Variants in SKA1 observed in about 807,000 individuals in gnomAD.
SKA1 encodes spindle and kinetochore associated complex subunit 1.
Under a neutral mutation model 31.8 loss-of-function variants are expected in SKA1, and 20 were observed. That is an observed-to-expected ratio of 0.63 (90% confidence interval 0.44 to 0.91). SKA1 has a LOEUF of 0.91. Among genes scored for constraint, SKA1 ranks in the 40% least tolerant of loss-of-function variants. The pLI is 0.00. For missense variants in SKA1, 253 were observed against 298.2 expected (o/e 0.85, Z 1.12); for synonymous variants, 88 against 100.5 (o/e 0.88, Z 0.74).
rs1352206106 is a variant in SKA1 at position 50,382,680 on chromosome 18, G to A, written c.311+454G>A. ...TGCCTCTGAGGGCAAAATCTTCCCC[G>A]ACCATTGAGAACCACTGCCTTTGGG... is the stretch of plus-strand genomic sequence containing the variant. On this transcript the variant is annotated intron_variant, in intron 4 of 6. Transcript: ENST00000285116. Among the ~76,000 whole-genome samples, 4 of 151,846 alleles carry A rather than the reference G, an allele frequency of 2.6e-5. No individual in the cohort carries two copies. In the East Asian group the frequency reaches 7.7e-4, roughly 29 times the overall value.
In SKA1 at chr18:50,380,191, C is replaced by T. The variant is rs372252141; in HGVS notation, c.154C>T (p.Leu52Phe). 1.3e-6 allele frequency: 2 copies of T among 1,554,348 alleles called. No individual in the cohort carries two copies. The highest frequency in any genetic ancestry group is 4.4e-5 in the Admixed American group (2 of 45,124). Residue 52 changes from leucine to phenylalanine, a missense_variant, in exon 3 of 7, where the codon CTT becomes TTT. Leu to Phe is a conservative substitution (Grantham distance 22). Coordinates refer to ENST00000285116, the MANE Select transcript of SKA1 (RefSeq NM_145060.4). ...IGDEIIVINE[L>F]LNKLELEIQY... ...AGATGAGATCATTGTAATAAATGAA[C>T]TTCTAAATAAATTGGAATTGGAAAT...
intron 5 of SKA1, among the ~76,000 whole-genome samples, chr18:50,387,514 T>C (rs75683533): frequency 0.04 from 6,146 of 152,292 alleles, 432 homozygotes; most frequent in African/African-American, 0.14. Context: ...TTATACTTTT[T>C]TTGATTGCCT....
intron 2 of SKA1, among the ~76,000 whole-genome samples, chr18:50,378,029 T>A (rs1025265517): frequency 3.9e-5 from 6 of 152,330 alleles, no homozygotes; most frequent in African/African-American, 1.4e-4. Flanking sequence ...TGGGCGACAG[T>A]TTCTGTTTCT....
chr18:50,391,830 G>T (rs2041359724), intron 6 of SKA1, among the ~76,000 whole-genome samples: 1 of 152,118 alleles, frequency 6.6e-6, no homozygotes, highest in African/African-American at 2.4e-5. Context: ...ACTGTTACGG[G>T]TTTTATTCTT....
intron 3 of SKA1, among the ~76,000 whole-genome samples, chr18:50,381,873 G>C (rs924967267): frequency 2.2e-4 from 34 of 151,908 alleles, no homozygotes; most frequent in African/African-American, 7.5e-4. Context: ...CTATAGGCGC[G>C]TGCCACCACG....
rs530240139 is a variant in SKA1, at chr18:50,390,237, T to C, written c.450-887T>C. ...GAGTGTTTTTTTGGAAATATGAACA[T>C]TTTCTTTTAAATAAACTTCCATATC... On this transcript the variant is annotated intron_variant, in intron 5 of 6. Transcript: ENST00000285116. 5.3e-5 allele frequency among the ~76,000 whole-genome samples: 8 copies of C among 152,280 alleles called. No homozygotes were observed. In the South Asian group the frequency reaches 1.5e-3, roughly 28 times the overall value.
rs985413247 is a variant in SKA1, at chr18:50,375,170, C to T, written c.-36C>T. ...CAGCTGGAGACCCAGCGGCGAGTAG[C>T]CTTTTGCTCCCGGACGGACTTGAGG... On this transcript the variant is annotated 5_prime_UTR_variant, in exon 1 of 7. Coordinates refer to ENST00000285116, the MANE Select transcript of SKA1 (RefSeq NM_145060.4). 2.6e-5 allele frequency: 4 copies of T among 152,478 alleles called. No homozygotes were observed. The highest frequency in any genetic ancestry group is 9.6e-5 in the African/African-American group (4 of 41,486). 9.4% of individuals were successfully genotyped at this position (152,478 alleles called of 1,614,324 possible). A position where few individuals can be genotyped will look rare whatever the true frequency, so the allele number is the denominator to read the frequency against.
Position 50,384,873 on chromosome 18 carries a change from A to T in SKA1, c.312-343A>T, listed in dbSNP as rs1484705779. On this transcript the variant is annotated intron_variant, in intron 4 of 6. Coordinates refer to ENST00000285116, the MANE Select transcript of SKA1 (RefSeq NM_145060.4). ...GAGTATAATAAAAAAAAAAAAATTA[A>T]AAAAAAAAAAAAAAAAAGGAAAAAA... is the stretch of plus-strand genomic sequence containing the variant. Among the ~76,000 whole-genome samples the T allele has an allele frequency of 8.2e-4, 24 of 29,148 alleles. 1 individual carries two copies. Among genetic ancestry groups the T allele is most frequent in the Middle Eastern group, 0.012 (1 of 84 alleles). The allele number at this position is 29,148 out of a possible 152,430, so 19.1% of individuals were successfully genotyped here. A position where few individuals can be genotyped will look rare whatever the true frequency, so the allele number is the denominator to read the frequency against.
chr18:50,380,856 C>T (rs1009708339), intron 3 of SKA1, among the ~76,000 whole-genome samples: 26 of 152,268 alleles, frequency 1.7e-4, no homozygotes, highest in African/African-American at 5.8e-4. Flanking sequence ...ATAATCTGTA[C>T]CATAATTACC....
chr18:50,380,401 T>C, intron 3 of SKA1, 151 bp downstream of exon 3: 1 of 903,234 alleles, frequency 1.1e-6, no homozygotes, highest in Non-Finnish European at 1.5e-6. Flanking sequence ...ATTTTCCTAG[T>C]ATAGTGGAAT....
At chr18:50,380,464 A>G (rs1332688864) in intron 3 of SKA1, among the ~76,000 whole-genome samples, 6 of 152,178 alleles carry the variant, frequency 3.9e-5, no homozygotes, top group Non-Finnish European at 8.8e-5. Context: ...ATTGAACTTT[A>G]CTAAAAAGGA....
intron 4 of SKA1, among the ~76,000 whole-genome samples, chr18:50,384,872 A>AAAAAAAAAAAAAAAAAAAAAG (rs2041293255): frequency 1.5e-5 from 1 of 68,790 alleles, no homozygotes; most frequent in Admixed American, 1.9e-4. Context: ...AAAAAAAATT[A>AAAAAAAAAAAAAAAAAAAAAG]AAAAAAAAAA....
At chr18:50,390,588 C>T (rs2041348522) in intron 5 of SKA1, among the ~76,000 whole-genome samples, 1 of 152,228 alleles carries the variant, frequency 6.6e-6, no homozygotes, top group Non-Finnish European at 1.5e-5. Flanking sequence ...CTTCCAGTCA[C>T]TCACTCCTAT....
At chr18:50,379,619 A>C (rs552342954) in intron 2 of SKA1, among the ~76,000 whole-genome samples, 20 of 152,330 alleles carry the variant, frequency 1.3e-4, no homozygotes, top group South Asian at 4.1e-4. Context: ...TTAAAGCCCC[A>C]AAACCTTGGA....
Position 50,389,375 on chromosome 18 carries a change from C to CTTTTTTTTTTTT in SKA1, c.450-1735_450-1724dup, listed in dbSNP as rs756288352. Among the ~76,000 whole-genome samples, 17 of 86,132 alleles carry CTTTTTTTTTTTT rather than the reference C, an allele frequency of 2.0e-4. 1 individual carries two copies. The highest frequency in any genetic ancestry group is 7.0e-4 in the African/African-American group (14 of 20,042). The allele number at this position is 86,132 out of a possible 152,430, so 56.5% of individuals were successfully genotyped here. ...TCATTTTGTCATTTCCTTTACCTTTCTTTTTTTTTTTTTTTTTTTTTTTTT... is the reference window on the plus strand; with the variant it reads ...TCATTTTGTCATTTCCTTTACCTTTCTTTTTTTTTTTTTTTTTTTTTTTTTTTTTTTTTTTTT... On this transcript the variant is annotated intron_variant, in intron 5 of 6. Transcript: ENST00000285116.
intron 2 of SKA1, 44 bp downstream of exon 2, chr18:50,375,962 T>C (rs1275386022): frequency 8.0e-7 from 1 of 1,257,298 alleles, no homozygotes; most frequent in Admixed American, 1.9e-5. Flanking sequence ...ACAAAATGCA[T>C]TTTGATTATT....
intron 4 of SKA1, among the ~76,000 whole-genome samples, chr18:50,384,871 T>TAAAAAAA (rs10608403): frequency 3.6e-5 from 3 of 82,600 alleles, no homozygotes; most frequent in African/African-American, 1.1e-4. Flanking sequence ...AAAAAAAAAT[T>TAAAAAAA]AAAAAAAAAA....
At position 50,380,216 on chromosome 18, in the gene SKA1, T is replaced by C; in HGVS notation, c.179T>C (p.Ile60Thr). The C allele has an allele frequency of 2.6e-6, 4 of 1,549,614 alleles. No homozygotes were observed. Among genetic ancestry groups the C allele is most frequent in the Non-Finnish European group, 2.6e-6 (3 of 1,157,540 alleles). ...CTTCTAAATAAATTGGAATTGGAAA[T>C]TCAGTATCAAGAACAAACCAACAAT... ...NELLNKLELE[I>T]QYQEQTNNSL... Residue 60 changes from isoleucine (I) to threonine (T), a missense_variant, in exon 3 of 7, where the codon ATT becomes ACT. Coordinates refer to ENST00000285116, the MANE Select transcript of SKA1 (RefSeq NM_145060.4).
intron 2 of SKA1, among the ~76,000 whole-genome samples, chr18:50,377,041 C>CT (rs11424975): frequency 0.72 from 107,632 of 149,398 alleles, 38,700 homozygotes; most frequent in East Asian, 0.81. Context: ...TTACAGTTAA[C>CT]TTTTTTTTTT....
Sources: gnomAD v4.1 joint callset for allele counts (sites outside exome capture counted in the v4.1 genomes callset) on GRCh38, gnomAD v4.1.1 for gene constraint, MANE v1.5 for transcripts, NCBI Gene and HGNC (gene_info 2026-07-23, HGNC 2026-07-21) for gene names.